The following CACNA2D3 variants were observed in gnomAD, a reference collection of about 807,000 sequenced individuals.
CACNA2D3 encodes the protein calcium voltage-gated channel auxiliary subunit alpha2delta 3.
A neutral mutation model predicts 160.6 loss-of-function variants in CACNA2D3; 60 were observed. That is an observed-to-expected ratio of 0.37 (90% CI 0.30 to 0.46). The LOEUF is 0.46. Ranked by LOEUF, CACNA2D3 falls within the 20% of genes least tolerant of loss-of-function variation. CACNA2D3 has a pLI of 1.00. For synonymous variants in CACNA2D3, 558 were observed against 492.9 expected (o/e 1.13, Z -1.75); for missense variants, 1,205 against 1,365.0 (o/e 0.88, Z 1.85).
At chr3:54,677,615 T>C (rs527814403) in intron 11 of CACNA2D3, among the ~76,000 whole-genome samples, 5,034 of 132,160 alleles carry the variant, frequency 0.038, 107 homozygotes, top group Middle Eastern at 0.055. Flanking sequence ...TTTTTGTTTT[T>C]TTTTTGGGGG....
At chr3:54,449,188 A>T (rs1700266607) in intron 4 of CACNA2D3, among the ~76,000 whole-genome samples, 1 of 152,186 alleles carries the variant, frequency 6.6e-6, no homozygotes, top group African/African-American at 2.4e-5. Flanking sequence ...CTCCATTAAT[A>T]CCTCTTATAG....
chr3:54,468,737 G>C (rs1053546347), intron 4 of CACNA2D3, among the ~76,000 whole-genome samples: 2 of 152,298 alleles, frequency 1.3e-5, no homozygotes, highest in Middle Eastern at 3.4e-3. Flanking sequence ...CTCAAGCTTG[G>C]TGGGGGGAGG....
At chr3:54,454,114 A>G (rs551386606) in intron 4 of CACNA2D3, among the ~76,000 whole-genome samples, 1 of 152,232 alleles carries the variant, frequency 6.6e-6, no homozygotes, top group South Asian at 2.1e-4. Flanking sequence ...CACACCCTCC[A>G]CTGATTCTTG....
chr3:54,526,629 A>T (rs981951317), intron 5 of CACNA2D3, among the ~76,000 whole-genome samples: 1 of 152,166 alleles, frequency 6.6e-6, no homozygotes, highest in Non-Finnish European at 1.5e-5. Flanking sequence ...ACAGTCAACA[A>T]GAGCTTGGTC....
Position 54,735,837 on chromosome 3 carries a change from A to G in CACNA2D3, c.1168-16762A>G, listed in dbSNP as rs180943140. Among the ~76,000 whole-genome samples the G allele has an allele frequency of 2.6e-4, 40 of 151,478 alleles. No individual in the cohort carries two copies. In the East Asian group the frequency reaches 7.0e-3, roughly 27 times the overall value. ...AAATACTTTTCTTATAGAAAACAGCATTACATGTTAATTCTAGAAAATTTG... is the reference window on the plus strand; with the variant it reads ...AAATACTTTTCTTATAGAAAACAGCGTTACATGTTAATTCTAGAAAATTTG... On this transcript the variant is annotated intron_variant, in intron 11 of 37. Transcript: ENST00000474759.
chr3:54,446,019 A>G (rs2106805555), intron 4 of CACNA2D3, among the ~76,000 whole-genome samples: 1 of 152,302 alleles, frequency 6.6e-6, no homozygotes, highest in African/African-American at 2.4e-5. Flanking sequence ...GCAGGTGTAC[A>G]TAGCTTTGGC....
intron 4 of CACNA2D3, among the ~76,000 whole-genome samples, chr3:54,453,997 G>A (rs1700353912): frequency 6.6e-6 from 1 of 152,056 alleles, no homozygotes; most frequent in Admixed American, 6.6e-5. Flanking sequence ...TAAAAGAAGG[G>A]GAGAGCCTTC....
At chr3:54,761,165 G>C (rs973267573) in intron 12 of CACNA2D3, among the ~76,000 whole-genome samples, 1 of 152,126 alleles carries the variant, frequency 6.6e-6, no homozygotes, top group African/African-American at 2.4e-5. Flanking sequence ...AAATCAGAGA[G>C]CTTTACTGCT....
At chr3:54,684,329 C>G (rs1023710353) in intron 11 of CACNA2D3, among the ~76,000 whole-genome samples, 21 of 152,166 alleles carry the variant, frequency 1.4e-4, no homozygotes, top group Non-Finnish European at 2.6e-4. Context: ...ACATCCTCAA[C>G]TTGACTGTAT....
At chr3:54,696,132 T>C (rs1470878150) in intron 11 of CACNA2D3, among the ~76,000 whole-genome samples, 1 of 152,192 alleles carries the variant, frequency 6.6e-6, no homozygotes, top group Non-Finnish European at 1.5e-5. Flanking sequence ...TCCACCATTA[T>C]ATTCAGAGAA....
At chr3:54,347,643 T>C (rs1023925813) in intron 3 of CACNA2D3, among the ~76,000 whole-genome samples, 23 of 151,848 alleles carry the variant, frequency 1.5e-4, no homozygotes, top group African/African-American at 2.2e-4. Flanking sequence ...AAATAACTTA[T>C]GTTGGTTGAC....
chr3:54,878,475 C>T (rs1405588670), intron 18 of CACNA2D3, among the ~76,000 whole-genome samples: 1 of 152,002 alleles, frequency 6.6e-6, no homozygotes, highest in Non-Finnish European at 1.5e-5. Flanking sequence ...TTCACTGCCT[C>T]ATCAGCAAGG....
chr3:54,647,480 C>T (rs1043853024), intron 11 of CACNA2D3, among the ~76,000 whole-genome samples: 1 of 152,214 alleles, frequency 6.6e-6, no homozygotes, highest in African/African-American at 2.4e-5. Flanking sequence ...AGGAGCTTGA[C>T]TGTCTGCCTC....
At chr3:55,025,080 AG>A (rs1340858650) in intron 35 of CACNA2D3, among the ~76,000 whole-genome samples, 2 of 152,224 alleles carry the variant, frequency 1.3e-5, no homozygotes, top group African/African-American at 2.4e-5. Flanking sequence ...AGAGCGAGTT[AG>A]GGTTCTTATT....
chr3:54,615,238 C>T (rs1698825489), intron 9 of CACNA2D3, among the ~76,000 whole-genome samples: 1 of 152,074 alleles, frequency 6.6e-6, no homozygotes, highest in Non-Finnish European at 1.5e-5. Flanking sequence ...ACCATCATCG[C>T]AAGGAGACTA....
At chr3:54,978,267 T>C (rs550668534) in intron 29 of CACNA2D3, among the ~76,000 whole-genome samples, 1 of 152,318 alleles carries the variant, frequency 6.6e-6, no homozygotes, top group East Asian at 1.9e-4. Flanking sequence ...ATGGAGTTGC[T>C]CTGGTTCAAA....
chr3:54,568,204 T>A (rs937307251), intron 6 of CACNA2D3, among the ~76,000 whole-genome samples: 3 of 152,232 alleles, frequency 2.0e-5, no homozygotes, highest in African/African-American at 7.2e-5. Flanking sequence ...CAATGTTAGT[T>A]TGTAATGCCT....
Position 54,942,679 on chromosome 3 carries a change from A to G in CACNA2D3, c.2450-25771A>G, listed in dbSNP as rs139444247. Among the ~76,000 whole-genome samples, 1,105 of 152,236 alleles carry G rather than the reference A, an allele frequency of 7.3e-3. 5 individuals carry two copies. Among genetic ancestry groups the G allele is most frequent in the Non-Finnish European group, 0.011 (782 of 68,014 alleles). ...TGAGCCAGAAGGATCATTTGAGGAC[A>G]GGAGTTTGAGACCAGCCTGGGCAAC... On this transcript the variant is annotated intron_variant, in intron 27 of 37. Transcript: ENST00000474759.
intron 2 of CACNA2D3, among the ~76,000 whole-genome samples, chr3:54,149,912 T>TCTCTCTCTCTCTCG (rs1700108248): frequency 1.1e-5 from 1 of 95,028 alleles, no homozygotes; most frequent in African/African-American, 4.4e-5. Flanking sequence ...TCTCTCTCTC[T>TCTCTCTCTCTCTCG]CTCTCTCTCT....
Sources: gnomAD v4.1 joint callset for allele counts (sites outside exome capture counted in the v4.1 genomes callset) on GRCh38, gnomAD v4.1.1 for gene constraint, MANE v1.5 for transcripts, NCBI Gene and HGNC (gene_info 2026-07-23, HGNC 2026-07-21) for gene names.